Variants in CAMSAP1 observed in about 807,000 individuals in gnomAD.
CAMSAP1 encodes calmodulin-regulated spectrin-associated protein 1.
CAMSAP1 carries 58 observed loss-of-function variants against 143.5 expected under a neutral mutation model. The observed-to-expected ratio is 0.40, with a 90% CI of 0.33 to 0.50. The LOEUF is 0.50. Ranked by LOEUF, CAMSAP1 falls within the 20% of genes least tolerant of loss-of-function variation. The pLI is 0.45. For synonymous variants in CAMSAP1, 945 were observed against 859.3 expected, an observed-to-expected ratio of 1.10 and a Z score of -1.74; for missense variants, 1,969 against 2,115.7, an observed-to-expected ratio of 0.93 and a Z score of 1.36.
At chr9:135,865,735 T>C (rs1261156088) in intron 4 of CAMSAP1, among the ~76,000 whole-genome samples, 1 of 152,032 alleles carries the variant, frequency 6.6e-6, no homozygotes, top group African/African-American at 2.4e-5. Flanking sequence ...ATGCTTAAGA[T>C]CCAGATGAGG....
At chr9:135,872,355 C>T (rs577381426) in intron 3 of CAMSAP1, among the ~76,000 whole-genome samples, 7 of 152,174 alleles carry the variant, frequency 4.6e-5, no homozygotes, top group Admixed American at 2.0e-4. Flanking sequence ...GACTTGCAGG[C>T]AGCCTGTGAC....
intron 1 of CAMSAP1, among the ~76,000 whole-genome samples, chr9:135,894,383 C>T (rs1424744652): frequency 6.6e-6 from 1 of 152,210 alleles, no homozygotes; most frequent in African/African-American, 2.4e-5. Context: ...GGCACAGGAG[C>T]CACACTCCAC....
intron 8 of CAMSAP1, among the ~76,000 whole-genome samples, chr9:135,827,065 C>G (rs1004440193): frequency 2.0e-5 from 3 of 152,186 alleles, no homozygotes; most frequent in Admixed American, 1.3e-4. Flanking sequence ...TTATGTCTAT[C>G]AGACCATAAA....
At chr9:135,898,829 CTTA>C (rs1350769367) in intron 1 of CAMSAP1, among the ~76,000 whole-genome samples, 1 of 152,190 alleles carries the variant, frequency 6.6e-6, no homozygotes, top group African/African-American at 2.4e-5. Flanking sequence ...ACATATGTAT[CTTA>C]TTATCACCCA....
intron 7 of CAMSAP1, among the ~76,000 whole-genome samples, chr9:135,832,736 A>C (rs1048674184): frequency 5.9e-5 from 9 of 151,498 alleles, no homozygotes; most frequent in Non-Finnish European, 2.9e-5. Flanking sequence ...ATTTCTATAC[A>C]CTAACAATTA....
At chr9:135,891,747 C>A (rs552572942) in intron 1 of CAMSAP1, among the ~76,000 whole-genome samples, 3 of 152,144 alleles carry the variant, frequency 2.0e-5, no homozygotes, top group Non-Finnish European at 4.4e-5. Context: ...CCAAAATGAC[C>A]CAGATGTTAG....
chr9:135,818,868 G>C lies in CAMSAP1; in HGVS notation c.3959+142C>G. 4 of 1,346,180 alleles carry C rather than the reference G, an allele frequency of 3.0e-6. No individual in the cohort carries two copies. The highest frequency in any genetic ancestry group is 4.0e-6 in the Non-Finnish European group (4 of 998,142). 83.4% of individuals were successfully genotyped at this position (1,346,180 alleles called of 1,614,324 possible). A position where few individuals can be genotyped will look rare whatever the true frequency, so the allele number is the denominator to read the frequency against. On this transcript the variant is annotated intron_variant, in intron 12 of 16. Transcript: ENST00000389532. This position sits in a 1 kb window ranked among gnomAD's most constrained non-coding sequence, Gnocchi z 7.7. ...GATCAGCAGGGGCCGTGAAAGTTCG[G>C]GGAGGTGGTCCATGGGAGGAGTAAG...
chr9:135,819,413 G>C (rs534666411), intron 11 of CAMSAP1, among the ~76,000 whole-genome samples: 4 of 152,216 alleles, frequency 2.6e-5, no homozygotes, highest in African/African-American at 7.2e-5. Context: ...CAAAATAAGA[G>C]CGAGGCTGGG....
At chr9:135,833,529 T>C (rs558484816) in intron 7 of CAMSAP1, among the ~76,000 whole-genome samples, 1 of 152,324 alleles carries the variant, frequency 6.6e-6, no homozygotes, top group Admixed American at 6.5e-5. Flanking sequence ...TTAACTAATC[T>C]TTGACAAAGG....
chr9:135,899,674 AC>A (rs778486710), intron 1 of CAMSAP1, among the ~76,000 whole-genome samples: 27 of 151,462 alleles, frequency 1.8e-4, no homozygotes, highest in Non-Finnish European at 3.2e-4. Flanking sequence ...TGCAGCCACT[AC>A]CCCCATGAGG....
At chr9:135,859,494 G>A (rs1324814690) in intron 5 of CAMSAP1, among the ~76,000 whole-genome samples, 7 of 152,100 alleles carry the variant, frequency 4.6e-5, no homozygotes, top group Non-Finnish European at 7.3e-5. Flanking sequence ...CTGGGTTCAC[G>A]CCATTCTCCT....
Position 135,822,612 on chromosome 9 carries a change from C to A in CAMSAP1, c.2049G>T (p.Leu683=). Reference sequence around the variant, plus strand: ...GGAACGGATCGAATCCGCCAAGGGCCAGAGGCCCACCACAGACCTCTCCTG... The same window carrying A: ...GGAACGGATCGAATCCGCCAAGGGCAAGAGGCCCACCACAGACCTCTCCTG... ...ETAGEVCGGP[L]ALGGFDPFPQ... Residue 683 remains leucine (L), a synonymous_variant, in exon 11 of 17, where the codon CTG becomes CTT. Coordinates refer to ENST00000389532, the MANE Select transcript of CAMSAP1 (RefSeq NM_015447.4). The surrounding 1 kb of genome is among the most constrained non-coding windows in gnomAD (Gnocchi z 6.1). The A allele has an allele frequency of 6.2e-7, 1 of 1,612,734 alleles. No homozygotes were observed. The highest frequency in any genetic ancestry group is 8.5e-7 in the Non-Finnish European group (1 of 1,179,500).
intron 7 of CAMSAP1, among the ~76,000 whole-genome samples, chr9:135,847,172 C>T (rs1204406155): frequency 2.7e-5 from 4 of 150,524 alleles, no homozygotes; most frequent in Non-Finnish European, 4.4e-5. Flanking sequence ...ACGGTGAAAC[C>T]CCGTCTCTAC....
At position 135,887,978 on chromosome 9, in the gene CAMSAP1, G is replaced by C. The variant is rs571945260; in HGVS notation, c.161-4900C>G. ...GAAAGGCCCTGGGAAGGGGTCAGAA[G>C]ACTCTAACCAGTCTGCAGTGGAAGT... On this transcript the variant is annotated intron_variant, in intron 1 of 16. Transcript: ENST00000389532. Among the ~76,000 whole-genome samples the C allele has an allele frequency of 1.4e-3, 212 of 152,350 alleles. 1 individual carries two copies. The highest frequency in any genetic ancestry group is 4.7e-3 in the African/African-American group (194 of 41,594).
intron 3 of CAMSAP1, among the ~76,000 whole-genome samples, chr9:135,880,387 C>A (rs1243232870): frequency 6.6e-6 from 1 of 151,942 alleles, no homozygotes. Context: ...TGGCTGACAC[C>A]CAAATCTGAA....
Position 135,821,870 on chromosome 9 carries a change from T to C in CAMSAP1, c.2791A>G (p.Arg931Gly). The change falls in exon 11 of 17, where the codon AGG becomes GGG. Residue 931 changes from arginine to glycine, a missense_variant. Transcript: ENST00000389532. This position sits in a 1 kb window ranked among gnomAD's most constrained non-coding sequence, Gnocchi z 4.6. ...TACTCCTTTGCAAAGTGCTCCGGCC[T>C]GAGGGGTGGGGCAGCCTCGGCCTTG... ...KGKAEAAPPL[R>G]PEHFAKEYSQ... The C allele has an allele frequency of 1.2e-6, 2 of 1,614,010 alleles. No individual in the cohort carries two copies. The highest frequency in any genetic ancestry group is 1.7e-6 in the Non-Finnish European group (2 of 1,179,892).
intron 1 of CAMSAP1, among the ~76,000 whole-genome samples, chr9:135,885,077 G>A (rs951610717): frequency 6.6e-6 from 1 of 152,170 alleles, no homozygotes; most frequent in Non-Finnish European, 1.5e-5. Context: ...CTCTTGGAGG[G>A]AGCTGCCTTT....
chr9:135,860,056 T>A (rs867302840), intron 5 of CAMSAP1, among the ~76,000 whole-genome samples: 2,776 of 136,162 alleles, frequency 0.02, 94 homozygotes, highest in African/African-American at 0.075. Flanking sequence ...AAAAAAAAAA[T>A]AAAAAAATAC....
chr9:135,899,496 A>C (rs1588513532), intron 1 of CAMSAP1, among the ~76,000 whole-genome samples: 1 of 152,014 alleles, frequency 6.6e-6, no homozygotes, highest in South Asian at 2.1e-4. Context: ...GTATCCTAGC[A>C]GGGACTTCTC....
Sources: gnomAD v4.1 joint callset for allele counts (sites outside exome capture counted in the v4.1 genomes callset) on GRCh38, gnomAD v4.1.1 for gene constraint, Gnocchi (gnomAD v3.1) non-coding constraint, MANE v1.5 for transcripts, NCBI Gene and HGNC (gene_info 2026-07-23, HGNC 2026-07-21) for gene names.